PHACTR2: variants seen among roughly 807,000 people sequenced by gnomAD.
The protein encoded by PHACTR2 is chromosome 6 open reading frame 56.
In PHACTR2, 30 loss-of-function variants were observed where a neutral mutation model predicts 76.0. The observed-to-expected ratio is 0.39, with a 90% CI of 0.30 to 0.54. The LOEUF (loss-of-function observed/expected upper bound fraction) is 0.54. Among genes scored for constraint, PHACTR2 ranks in the 20% least tolerant of loss-of-function variants. The pLI, the probability that PHACTR2 is intolerant of heterozygous loss-of-function variation, is 0.61. For missense variants in PHACTR2, 696 were observed against 781.1 expected, an observed-to-expected ratio of 0.89 and a Z score of 1.30; for synonymous variants, 292 against 292.5, an observed-to-expected ratio of 1.00 and a Z score of 0.02.
Position 143,663,592 on chromosome 6 carries a change from C to A in PHACTR2, c.14-48424C>A, listed in dbSNP as rs1051335612. Among the ~76,000 whole-genome samples, 5 of 151,810 alleles carry A rather than the reference C, an allele frequency of 3.3e-5. No individual in the cohort carries two copies. The highest frequency in any genetic ancestry group is 7.4e-5 in the Non-Finnish European group (5 of 67,968). ...AAGCTTTAAATATAGCTCTAATTACCACATTAGCTTAATTCTACATGTTTT... is the reference window on the plus strand; with the variant it reads ...AAGCTTTAAATATAGCTCTAATTACAACATTAGCTTAATTCTACATGTTTT... On this transcript the variant is annotated intron_variant, in intron 1 of 11. Coordinates refer to the PHACTR2 transcript ENST00000305766. The surrounding 1 kb of genome is among the most constrained non-coding windows in gnomAD (Gnocchi z 4.1).
rs1406493048 is a variant in PHACTR2, at chr6:143,829,134, T to C, written c.*5445T>C. 4.0e-5 allele frequency: 6 copies of C among 150,790 alleles called. No individual in the cohort carries two copies. Among genetic ancestry groups the C allele is most frequent in the Admixed American group, 4.0e-4 (6 of 15,112 alleles). The allele number at this position is 150,790 out of a possible 1,614,324, so 9.3% of individuals were successfully genotyped here. On this transcript the variant is annotated 3_prime_UTR_variant, in exon 13 of 13. Transcript: ENST00000440869. ...GGGGACTTGGCCTAGTCCCTATATA[T>C]ATATACTTAAAGTCCCTATATATAC... is the stretch of plus-strand genomic sequence containing the variant.
At chr6:143,694,901 C>T (rs1582780153) in intron 1 of PHACTR2, among the ~76,000 whole-genome samples, 1 of 152,196 alleles carries the variant, frequency 6.6e-6, no homozygotes, top group East Asian at 1.9e-4. Context: ...CTGGTGCAGT[C>T]AGTTTTGGTG....
intron 1 of PHACTR2, among the ~76,000 whole-genome samples, chr6:143,600,251 A>C (rs1775798196): frequency 2.0e-5 from 3 of 152,178 alleles, no homozygotes; most frequent in Admixed American, 2.0e-4. Context: ...GCTTCTCTGA[A>C]CCAGTTTTTC....
intron 2 of PHACTR2, among the ~76,000 whole-genome samples, chr6:143,721,295 G>T (rs1233027254): frequency 6.6e-6 from 1 of 152,134 alleles, no homozygotes; most frequent in Admixed American, 6.6e-5. Context: ...GGAATTATGG[G>T]TATGCTCCCA....
intron 1 of PHACTR2, among the ~76,000 whole-genome samples, chr6:143,609,132 G>A (rs1775935732): frequency 6.6e-6 from 1 of 152,136 alleles, no homozygotes; most frequent in Admixed American, 6.5e-5. Flanking sequence ...GCTTGAAGGT[G>A]ATGCTTCCCA....
chr6:143,567,100 A>G (rs1410086487), intron 1 of PHACTR2, among the ~76,000 whole-genome samples: 1 of 152,130 alleles, frequency 6.6e-6, no homozygotes, highest in African/African-American at 2.4e-5. Context: ...TGTCTTTCCC[A>G]GAGCAGTGGC....
chr6:143,682,325 C>G (rs1473167336), intron 1 of PHACTR2, among the ~76,000 whole-genome samples: 2 of 152,226 alleles, frequency 1.3e-5, no homozygotes, highest in Non-Finnish European at 2.9e-5. Context: ...TCAAGCGATC[C>G]TCCAACCTCA....
rs1778122269 is a variant in PHACTR2, at chr6:143,709,507, A to G, written c.47-2509A>G. Among the ~76,000 whole-genome samples, 1 of 152,178 alleles carries G rather than the reference A, an allele frequency of 6.6e-6. No homozygotes were observed. Among genetic ancestry groups the G allele is most frequent in the South Asian group, 2.1e-4 (1 of 4,832 alleles). ...TCGATGGAAACTTGGACATTTTTGT[A>G]TTATGTTATGTGACTCTAGATCTTG... On this transcript the variant is annotated intron_variant, in intron 1 of 12. Coordinates refer to ENST00000440869, the MANE Select transcript of PHACTR2 (RefSeq NM_001100164.2). This position sits in a 1 kb window ranked among gnomAD's most constrained non-coding sequence, Gnocchi z 4.4.
rs1378393612 is a variant in PHACTR2, at chr6:143,597,188, T to C, written c.217+59981T>C. Among the ~76,000 whole-genome samples, 1 of 152,184 alleles carries C rather than the reference T, an allele frequency of 6.6e-6. No individual in the cohort carries two copies. The highest frequency in any genetic ancestry group is 1.5e-5 in the Non-Finnish European group (1 of 68,032). On this transcript the variant is annotated intron_variant, in intron 1 of 11. Transcript: ENST00000367584. This position sits in a 1 kb window ranked among gnomAD's most constrained non-coding sequence, Gnocchi z 5.7. ...ATTGTAGGGAGGGACAGGAATGACT[T>C]CCAGGAAGATAGTTGCTCAACCTAG...
Position 143,599,366 on chromosome 6 carries a change from G to C in PHACTR2, c.217+62159G>C, listed in dbSNP as rs538366915. Among the ~76,000 whole-genome samples, 7 of 152,226 alleles carry C rather than the reference G, an allele frequency of 4.6e-5. No homozygotes were observed. The East Asian group carries it at 9.7e-4, about 21-fold the overall frequency. On this transcript the variant is annotated intron_variant, in intron 1 of 11. Coordinates refer to the PHACTR2 transcript ENST00000367584. The surrounding 1 kb of genome is among the most constrained non-coding windows in gnomAD (Gnocchi z 4.6). ...GTAACATGCTTTTTAGGCATTTTTA[G>C]GAATTTTGGCCCTGCCTGGACCACA...
chr6:143,823,654 G>A lies in PHACTR2; in HGVS notation c.1923-20G>A, dbSNP rs763693705. ...TGTGCTCCTAGGCCACAGGCTTATAGTTTCTATTTCTTACTCCAGGTTTCA... is the reference window on the plus strand; with the variant it reads ...TGTGCTCCTAGGCCACAGGCTTATAATTTCTATTTCTTACTCCAGGTTTCA... On this transcript the variant is annotated intron_variant, in intron 12 of 12. Coordinates refer to ENST00000440869, the MANE Select transcript of PHACTR2 (RefSeq NM_001100164.2). This position sits in a 1 kb window ranked among gnomAD's most constrained non-coding sequence, Gnocchi z 5.7. 3.7e-6 allele frequency: 6 copies of A among 1,608,246 alleles called. No individual in the cohort carries two copies. In the African/African-American group the frequency reaches 8.0e-5, roughly 22 times the overall value.
At position 143,800,794 on chromosome 6, in the gene PHACTR2, T is replaced by C. The variant is rs1015078677; in HGVS notation, c.1846-6263T>C. 3.3e-5 allele frequency among the ~76,000 whole-genome samples: 5 copies of C among 152,334 alleles called. No homozygotes were observed. Among genetic ancestry groups the C allele is most frequent in the East Asian group, 1.9e-4 (1 of 5,190 alleles). Reference sequence around the variant, plus strand: ...TGATGCAGTTTCTTCCTAGCATCAGTGGTCTTTACAATTTGGCATGTTTTT... The same window carrying C: ...TGATGCAGTTTCTTCCTAGCATCAGCGGTCTTTACAATTTGGCATGTTTTT... On this transcript the variant is annotated intron_variant, in intron 11 of 12. Coordinates refer to ENST00000440869, the MANE Select transcript of PHACTR2 (RefSeq NM_001100164.2). The surrounding 1 kb of genome is among the most constrained non-coding windows in gnomAD (Gnocchi z 4.8).
Position 143,653,650 on chromosome 6 carries a change from C to T in PHACTR2, c.13+45328C>T, listed in dbSNP as rs1463800031. Among the ~76,000 whole-genome samples, 1 of 151,418 alleles carries T rather than the reference C, an allele frequency of 6.6e-6. No individual in the cohort carries two copies. The highest frequency in any genetic ancestry group is 1.5e-5 in the Non-Finnish European group (1 of 67,916). ...GTCTTATCAGCAAACAGTGCTAGGG[C>T]AACTAGATATCTATGTGAAGAAGAA... On this transcript the variant is annotated intron_variant, in intron 1 of 11. Coordinates refer to the PHACTR2 transcript ENST00000305766. The surrounding 1 kb of genome is among the most constrained non-coding windows in gnomAD (Gnocchi z 4.9).
In PHACTR2 at chr6:143,647,885, G is replaced by A. The variant is rs1027796294; in HGVS notation, c.13+39563G>A. Reference sequence around the variant, plus strand: ...AGCTAGCCACAGCCAACTCAGGGAGGCGTTGTAGGCCCTGGTAAGGATTTA... The same window carrying A: ...AGCTAGCCACAGCCAACTCAGGGAGACGTTGTAGGCCCTGGTAAGGATTTA... On this transcript the variant is annotated intron_variant, in intron 1 of 11. Coordinates refer to the PHACTR2 transcript ENST00000305766. The surrounding 1 kb of genome is among the most constrained non-coding windows in gnomAD (Gnocchi z 4.2). Among the ~76,000 whole-genome samples, 3 of 152,186 alleles carry A rather than the reference G, an allele frequency of 2.0e-5. No individual in the cohort carries two copies.
rs1158093196 is a variant in PHACTR2, at chr6:143,739,239, AT to A, written c.215-9741del. On this transcript the variant is annotated intron_variant, in intron 2 of 12. Coordinates refer to ENST00000440869, the MANE Select transcript of PHACTR2 (RefSeq NM_001100164.2). The surrounding 1 kb of genome is among the most constrained non-coding windows in gnomAD (Gnocchi z 4.3). ...ACCACCACGCCCATCTAATTTTTGT[AT>A]TTTTAGTAAAGACAGGGTTTCACCA... 6.6e-6 allele frequency among the ~76,000 whole-genome samples: 1 copy of A among 151,858 alleles called. No homozygotes were observed. Among genetic ancestry groups the A allele is most frequent in the Non-Finnish European group, 1.5e-5 (1 of 67,972 alleles).
rs145037452 is a variant in PHACTR2, at chr6:143,556,882, C to A, written c.217+19675C>A. Among the ~76,000 whole-genome samples, 101 of 152,292 alleles carry A rather than the reference C, an allele frequency of 6.6e-4. 2 individuals are homozygous for A. The East Asian group carries it at 0.018, about 28-fold the overall frequency. On this transcript the variant is annotated intron_variant, in intron 1 of 11. Coordinates refer to the PHACTR2 transcript ENST00000367584. The surrounding 1 kb of genome is among the most constrained non-coding windows in gnomAD (Gnocchi z 4.3). ...CTTTTTTAAAAATATGGGCCAGGAA[C>A]TAATAAAAATGATGCACAAAGACGT... is the stretch of plus-strand genomic sequence containing the variant.
chr6:143,587,967 C>T (rs748839320), intron 1 of PHACTR2, among the ~76,000 whole-genome samples: 1 of 151,122 alleles, frequency 6.6e-6, no homozygotes, highest in Non-Finnish European at 1.5e-5. Context: ...GAGCTGAGAT[C>T]GTGCCATTGC....
At position 143,597,772 on chromosome 6, in the gene PHACTR2, A is replaced by G. The variant is rs1775770135; in HGVS notation, c.217+60565A>G. ...AGGCTTTGGAATGCCATATAGAGCT[A>G]GATTATTGGAAATCCTCCAGGTCCA... On this transcript the variant is annotated intron_variant, in intron 1 of 11. Transcript: ENST00000367584. This position sits in a 1 kb window ranked among gnomAD's most constrained non-coding sequence, Gnocchi z 5.7. Among the ~76,000 whole-genome samples, 1 of 152,248 alleles carries G rather than the reference A, an allele frequency of 6.6e-6. No homozygotes were observed. The highest frequency in any genetic ancestry group is 1.5e-5 in the Non-Finnish European group (1 of 68,036).
chr6:143,701,813 C>T (rs1165637853), intron 1 of PHACTR2, among the ~76,000 whole-genome samples: 1 of 152,082 alleles, frequency 6.6e-6, no homozygotes, highest in Non-Finnish European at 1.5e-5. Context: ...CTTTTTTTAG[C>T]ATAATAAAAT....
Sources: allele counts gnomAD v4.1 joint callset (sites outside exome capture counted in the v4.1 genomes callset), GRCh38; gene constraint gnomAD v4.1.1; non-coding constraint Gnocchi (gnomAD v3.1); transcripts MANE v1.5; gene names NCBI Gene and HGNC (gene_info 2026-07-23, HGNC 2026-07-21).